SIRT3: variants seen among roughly 807,000 people sequenced by gnomAD.
SIRT3 encodes the protein sirtuin 3, also known as NAD-dependent protein deacetylase sirtuin-3, mitochondrial.
In SIRT3, 26 loss-of-function variants were observed where a neutral mutation model predicts 33.5. That is an observed-to-expected ratio of 0.78 (90% CI 0.57 to 1.08). The LOEUF (loss-of-function observed/expected upper bound fraction) is 1.08. Ranked by LOEUF, SIRT3 falls within the 50% of genes least tolerant of loss-of-function variation. SIRT3 has a pLI of 0.00. For missense variants in SIRT3, 585 were observed against 530.1 expected, an observed-to-expected ratio of 1.10 and a Z score of -1.02; for synonymous variants, 237 against 222.1, an observed-to-expected ratio of 1.07 and a Z score of -0.60.
chr11:232,897 AAC>A lies in SIRT3; in HGVS notation c.706+84_706+85del. 3 of 1,311,208 alleles carry A rather than the reference AAC, an allele frequency of 2.3e-6. No homozygotes were observed. In the African/African-American group the frequency reaches 4.4e-5, roughly 19 times the overall value. 81.2% of individuals were successfully genotyped at this position (1,311,208 alleles called of 1,614,324 possible). A position where few individuals can be genotyped will look rare whatever the true frequency, so the allele number is the denominator to read the frequency against. ...AGGCACCCGAGCATCCCCTGTGAGA[AAC>A]AGGCACCCGAGCCTCCCTGGGAGAA... On this transcript the variant is annotated intron_variant, in intron 3 of 6. Coordinates refer to ENST00000382743, the MANE Select transcript of SIRT3 (RefSeq NM_012239.6).
At chr11:232,098 T>C (rs1212931) in intron 3 of SIRT3, among the ~76,000 whole-genome samples, 22,760 of 151,776 alleles carry the variant, frequency 0.15, 2,100 homozygotes, top group East Asian at 0.43. Flanking sequence ...CAGAGTTGTT[T>C]TTATTTTTTA....
intron 6 of SIRT3, 130 bp downstream of exon 6, chr11:218,702 G>C: frequency 6.7e-7 from 1 of 1,493,350 alleles, no homozygotes; most frequent in African/African-American, 1.4e-5. Context: ...GTAGTGCCTG[G>C]TGCAGGATTC....
chr11:236,233 C>G lies in SIRT3; in HGVS notation c.96G>C (p.Gln32His). Reference protein sequence around the residue: ...VEAGGGVGPFQACGCRLVLGG... With the variant: ...VEAGGGVGPFHACGCRLVLGG... ...CAAGCACCAGCCGACAGCCGCAGGC[C>G]TGAAACGGCCCCACGCCTCCCCCGG... The change falls in exon 1 of 7, where the codon CAG (glutamine) becomes CAC (histidine). Residue 32 changes from glutamine (Q) to histidine (H), a missense_variant. Transcript: ENST00000382743. 1.3e-6 allele frequency: 2 copies of G among 1,556,348 alleles called. No homozygotes were observed. Among genetic ancestry groups the G allele is most frequent in the Middle Eastern group, 1.7e-4 (1 of 5,984 alleles).
At chr11:236,411 G>A (rs1859159237), upstream of SIRT3, 3 of 834,142 alleles carry the variant, frequency 3.6e-6, no homozygotes, top group Admixed American at 2.2e-4. Context: ...CCCCGCCCCC[G>A]GCGCCCCAGC....
Position 236,138 on chromosome 11 carries a change from G to T in SIRT3, c.191C>A (p.Ala64Glu). The change falls in exon 1 of 7, where the codon GCG becomes GAG. Residue 64 changes from alanine (A) to glutamate (E), a missense_variant. Physicochemically the swap from Ala to Glu is moderately radical, Grantham distance 107. Coordinates refer to ENST00000382743, the MANE Select transcript of SIRT3 (RefSeq NM_012239.6). ...HGARGEPLDP[A>E]RPLQRPPRPE... ...TCTGGGAGGCCTCTGCAAGGGGCGC[G>T]CCGGGTCCAAGGGCTCACCGCGGGC... 1 of 1,574,158 alleles carries T rather than the reference G, an allele frequency of 6.4e-7. No homozygotes were observed. The highest frequency in any genetic ancestry group is 8.6e-7 in the Non-Finnish European group (1 of 1,161,122).
rs1448347433 is a variant in SIRT3 at position 230,440 on chromosome 11, A to G, written c.807+12T>C. 3 of 1,416,586 alleles carry G rather than the reference A, an allele frequency of 2.1e-6. No individual in the cohort carries two copies. The highest frequency in any genetic ancestry group is 3.0e-5 in the African/African-American group (2 of 67,692). The allele number at this position is 1,416,586 out of a possible 1,614,324, so 87.8% of individuals were successfully genotyped here. On this transcript the variant is annotated intron_variant, in intron 4 of 6. Coordinates refer to ENST00000382743, the MANE Select transcript of SIRT3 (RefSeq NM_012239.6). ...AAACTGCAGAAGGACAACCAACAGCAGGATAACTCACCCGAATGTCCTCCC... is the reference window on the plus strand; with the variant it reads ...AAACTGCAGAAGGACAACCAACAGCGGGATAACTCACCCGAATGTCCTCCC...
chr11:234,717 A>G (rs1271110995), intron 1 of SIRT3, among the ~76,000 whole-genome samples: 2 of 145,406 alleles, frequency 1.4e-5, no homozygotes, highest in African/African-American at 5.1e-5. Context: ...GCCCGGCCGC[A>G]AGGATTTGTT....
chr11:230,144 C>T (rs1483656400), intron 4 of SIRT3, among the ~76,000 whole-genome samples: 4 of 146,238 alleles, frequency 2.7e-5, no homozygotes, highest in Non-Finnish European at 4.5e-5. Flanking sequence ...ATCCGGGAGA[C>T]GGAGGTTGCA....
chr11:234,605 C>T (rs559764012), intron 1 of SIRT3, among the ~76,000 whole-genome samples: 25 of 151,862 alleles, frequency 1.6e-4, no homozygotes, highest in Non-Finnish European at 3.5e-4. Context: ...TTAGTAAAGA[C>T]GGGGTTTCAC....
At chr11:236,422 C>CCCGCCT (rs1859163215), upstream of SIRT3, 4 of 849,984 alleles carry the variant, frequency 4.7e-6, no homozygotes, top group African/African-American at 1.9e-5. Flanking sequence ...GCGCCCCAGC[C>CCCGCCT]CCGCCTCCGC....
chr11:233,540 A>C lies in SIRT3; in HGVS notation c.282-6T>G. ...ACCTTCTTCCACCTTTAATACTGACAGAAAAAAACACAGCAGCAAAGGAAA... is the reference window on the plus strand; with the variant it reads ...ACCTTCTTCCACCTTTAATACTGACCGAAAAAAACACAGCAGCAAAGGAAA... On this transcript the variant is annotated splice_polypyrimidine_tract_variant and splice_region_variant and intron_variant, in intron 1 of 6. Coordinates refer to ENST00000382743, the MANE Select transcript of SIRT3 (RefSeq NM_012239.6). The C allele has an allele frequency of 6.2e-7, 1 of 1,613,462 alleles. No individual in the cohort carries two copies. The highest frequency in any genetic ancestry group is 1.7e-5 in the Admixed American group (1 of 59,944).
chr11:233,049 G>C lies in SIRT3; in HGVS notation c.640C>G (p.Arg214Gly), dbSNP rs1734492. The change falls in exon 3 of 7, where the codon CGG (arginine) becomes GGG (glycine). Residue 214 changes from arginine (R) to glycine (G), a missense_variant. Arg to Gly is a moderately radical substitution (Grantham distance 125). Transcript: ENST00000382743. ...YKPNVTHYFL[R>G]LLHDKGLLLR... Reference sequence around the variant, plus strand: ...AGCAGCCCCTTGTCATGAAGCAGCCGGAGAAAGTAGTGAGTGACGTTGGGC... The same window carrying C: ...AGCAGCCCCTTGTCATGAAGCAGCCCGAGAAAGTAGTGAGTGACGTTGGGC... 6.2e-7 allele frequency: 1 copy of C among 1,614,158 alleles called. No homozygotes were observed. The highest frequency in any genetic ancestry group is 1.1e-5 in the South Asian group (1 of 91,080).
upstream of SIRT3, chr11:236,622 C>A: frequency 4.8e-6 from 1 of 207,954 alleles, no homozygotes; most frequent in South Asian, 5.2e-5. Flanking sequence ...ACACCTTTTT[C>A]AACCCGGATG....
At chr11:235,445 G>A (rs141010143) in intron 1 of SIRT3, among the ~76,000 whole-genome samples, 7 of 152,242 alleles carry the variant, frequency 4.6e-5, no homozygotes, top group Admixed American at 3.3e-4. Context: ...GGCCTCGAGC[G>A]ATCCCCGTCT....
At chr11:226,174 C>A (rs1734485) in intron 4 of SIRT3, 24 of 152,174 alleles carry the variant, frequency 1.6e-4, no homozygotes, top group African/African-American at 5.8e-4. Context: ...TAATCTGTAT[C>A]TGGGAAGATA....
At chr11:234,793 T>C (rs1858703784) in intron 1 of SIRT3, among the ~76,000 whole-genome samples, 1 of 152,078 alleles carries the variant, frequency 6.6e-6, no homozygotes, top group Admixed American at 6.6e-5. Context: ...TCCTGGTCCC[T>C]GCTCCATCCA....
intron 4 of SIRT3, chr11:226,156 C>A (rs896862388): frequency 6.6e-6 from 1 of 152,220 alleles, no homozygotes; most frequent in African/African-American, 2.4e-5. Flanking sequence ...TTAATCTCAT[C>A]TTGTCTTTAA....
upstream of SIRT3, chr11:236,460 T>G (rs1173239311): frequency 1.6e-5 from 8 of 501,634 alleles, no homozygotes; most frequent in Non-Finnish European, 1.7e-5. Flanking sequence ...GGCGCCCCGG[T>G]CCCGCCTCCG....
chr11:221,409 C>A (rs568800224), intron 5 of SIRT3, among the ~76,000 whole-genome samples: 152 of 152,290 alleles, frequency 1.0e-3, no homozygotes, highest in African/African-American at 3.0e-3. Context: ...CGGTGCCTGG[C>A]CCAGCATTAC....
Sources: allele counts gnomAD v4.1 joint callset (sites outside exome capture counted in the v4.1 genomes callset), GRCh38; gene constraint gnomAD v4.1.1; transcripts MANE v1.5; gene names NCBI Gene and HGNC (gene_info 2026-07-23, HGNC 2026-07-21).